VPS35L: variants seen among roughly 807,000 people sequenced by gnomAD.
VPS35L encodes the protein VPS35 endosomal protein-sorting factor-like.
A neutral mutation model predicts 133.0 loss-of-function variants in VPS35L; 83 were observed. The observed-to-expected ratio is 0.62, with a 90% CI of 0.52 to 0.75. The LOEUF is 0.75. VPS35L is among the 30% of genes least tolerant of loss of function. The pLI, the probability that VPS35L is intolerant of heterozygous loss-of-function variation, is 0.00. For missense variants in VPS35L, 1,083 were observed against 1,206.8 expected, an observed-to-expected ratio of 0.90 and a Z score of 1.52; for synonymous variants, 423 against 449.9, an observed-to-expected ratio of 0.94 and a Z score of 0.76.
At chr16:19,613,851 A>G (rs1972803787) in intron 12 of VPS35L, among the ~76,000 whole-genome samples, 1 of 152,120 alleles carries the variant, frequency 6.6e-6, no homozygotes, top group Non-Finnish European at 1.5e-5. Context: ...GACAAATCTA[A>G]TTTGCCGATA....
At position 19,608,249 on chromosome 16, in the gene VPS35L, T is replaced by C; in HGVS notation, c.856T>C (p.Ser286Pro). 6.2e-7 allele frequency: 1 copy of C among 1,606,384 alleles called. No homozygotes were observed. Among genetic ancestry groups the C allele is most frequent in the Non-Finnish European group, 8.5e-7 (1 of 1,174,134 alleles). ...CCTAAATTGGTTTTTCAAGATTGCC[T>C]CCATCAGGGAACTCATTCCAAGATT... ...TCLNWFFKIASIRELIPRFYV... is the reference protein window; with the variant it reads ...TCLNWFFKIAPIRELIPRFYV... Residue 286 changes from serine to proline, a missense_variant, in exon 10 of 31, where the codon TCC (serine) becomes CCC (proline). By Grantham distance (74) the Ser-to-Pro change is moderately conservative. Transcript: ENST00000417362.
intron 26 of VPS35L, among the ~76,000 whole-genome samples, chr16:19,660,083 T>C (rs898032312): frequency 6.6e-6 from 1 of 151,996 alleles, no homozygotes; most frequent in Non-Finnish European, 1.5e-5. Context: ...CCCAGCACTT[T>C]GGGAGGCCGA....
At chr16:19,679,650 G>A (rs542254786) in intron 27 of VPS35L, among the ~76,000 whole-genome samples, 6 of 151,898 alleles carry the variant, frequency 4.0e-5, no homozygotes, top group South Asian at 2.1e-4. Context: ...GATTACAGGC[G>A]CACACCACCA....
intron 14 of VPS35L, among the ~76,000 whole-genome samples, chr16:19,622,652 A>G (rs1203872310): frequency 6.6e-6 from 1 of 152,188 alleles, no homozygotes; most frequent in East Asian, 1.9e-4. Context: ...GTTGCTCGTT[A>G]GGTAGGCGTT....
chr16:19,585,345 A>G (rs535480381), intron 7 of VPS35L, among the ~76,000 whole-genome samples: 9 of 151,966 alleles, frequency 5.9e-5, no homozygotes, highest in African/African-American at 2.2e-4. Context: ...TGAGGGTTCT[A>G]ATTCCTCCAC....
chr16:19,555,787 C>T (rs769105076), intron 1 of VPS35L, 41 bp downstream of exon 1: 7 of 1,539,786 alleles, frequency 4.5e-6, no homozygotes, highest in Non-Finnish European at 6.1e-6. Context: ...GAGGGGCTGT[C>T]CTTACTTGTG....
chr16:19,661,633 A>G (rs1974488490), intron 26 of VPS35L, among the ~76,000 whole-genome samples: 1 of 152,192 alleles, frequency 6.6e-6, no homozygotes, highest in African/African-American at 2.4e-5. Context: ...TTCAAGCCTG[A>G]AGTCTGACTC....
At chr16:19,567,355 C>G (rs1161797678) in intron 2 of VPS35L, among the ~76,000 whole-genome samples, 1 of 152,160 alleles carries the variant, frequency 6.6e-6, no homozygotes, top group Non-Finnish European at 1.5e-5. Flanking sequence ...TACCCTGAAC[C>G]AGCATTGGTG....
chr16:19,608,431 A>G lies in VPS35L; in HGVS notation c.881+157A>G, dbSNP rs1332702919. On this transcript the variant is annotated intron_variant, in intron 10 of 30. Transcript: ENST00000417362. The stretch of plus-strand genomic sequence containing the variant: ...TGAAAACACATACAGGGCAAGCCAC[A>G]TTGTAGAAACCCTTGGACTCTTGCT... 8 of 616,628 alleles carry G rather than the reference A, an allele frequency of 1.3e-5. No homozygotes were observed. In the East Asian group the frequency reaches 1.4e-4, roughly 11 times the overall value. The allele number at this position is 616,628 out of a possible 1,614,324, so 38.2% of individuals were successfully genotyped here. A position where few individuals can be genotyped will look rare whatever the true frequency, so the allele number is the denominator to read the frequency against.
chr16:19,612,649 G>A (rs187352706), intron 12 of VPS35L, among the ~76,000 whole-genome samples: 1 of 152,272 alleles, frequency 6.6e-6, no homozygotes, highest in African/African-American at 2.4e-5. Flanking sequence ...GCCTGATATC[G>A]GAGACCCGGT....
chr16:19,627,711 C>A lies in VPS35L; in HGVS notation c.1289C>A (p.Ser430Tyr). Reference protein sequence around the residue: ...KLGNNALLLNSVMSAFRAEFI... With the variant: ...KLGNNALLLNYVMSAFRAEFI... ...TCTTGCAGTGCCTTGCTGTTGAATT[C>A]TGTGATGTCTGCCTTCCGGGCTGAG... is the stretch of plus-strand genomic sequence containing the variant. Residue 430 changes from serine (S) to tyrosine (Y), a missense_variant, in exon 16 of 31, where the codon TCT becomes TAT. By Grantham distance (144) the Ser-to-Tyr change is moderately radical (BLOSUM62 -2). Transcript: ENST00000417362. The A allele has an allele frequency of 4.3e-6, 7 of 1,613,746 alleles. No individual in the cohort carries two copies. Among genetic ancestry groups the A allele is most frequent in the Non-Finnish European group, 5.9e-6 (7 of 1,179,656 alleles).
chr16:19,613,989 A>T (rs754257911), intron 12 of VPS35L, among the ~76,000 whole-genome samples: 1 of 152,148 alleles, frequency 6.6e-6, no homozygotes, highest in Non-Finnish European at 1.5e-5. Context: ...ATTTGGCCCG[A>T]TGAGAAGAGA....
chr16:19,577,086 A>G (rs191097352), intron 5 of VPS35L, among the ~76,000 whole-genome samples: 1 of 152,368 alleles, frequency 6.6e-6, no homozygotes, highest in African/African-American at 2.4e-5. Flanking sequence ...TAGAGTGATG[A>G]TACCAAGTGT....
At chr16:19,653,347 C>T (rs1245894662) in intron 26 of VPS35L, among the ~76,000 whole-genome samples, 2 of 152,208 alleles carry the variant, frequency 1.3e-5, no homozygotes, top group East Asian at 3.8e-4. Flanking sequence ...GAAATCTTTA[C>T]GCGACATTTA....
intron 14 of VPS35L, chr16:19,617,434 C>A (rs1221364458): frequency 6.4e-6 from 1 of 157,010 alleles, no homozygotes; most frequent in Non-Finnish European, 1.4e-5. Context: ...GGCCAACAAG[C>A]CTTATTGCGT....
intron 27 of VPS35L, among the ~76,000 whole-genome samples, chr16:19,671,636 G>C (rs1437455421): frequency 6.6e-6 from 1 of 151,928 alleles, no homozygotes; most frequent in Non-Finnish European, 1.5e-5. Flanking sequence ...AATTAGCCAG[G>C]AGTGGTGGCA....
chr16:19,580,947 C>T (rs1224294798), intron 6 of VPS35L, among the ~76,000 whole-genome samples: 2 of 152,048 alleles, frequency 1.3e-5, no homozygotes, highest in Non-Finnish European at 2.9e-5. Context: ...GCCCGTGAAA[C>T]AGTTGCGCTT....
At chr16:19,568,661 C>G (rs914757075) in intron 2 of VPS35L, among the ~76,000 whole-genome samples, 6 of 152,022 alleles carry the variant, frequency 3.9e-5, no homozygotes, top group African/African-American at 1.4e-4. Context: ...GTGGGAGGAA[C>G]TGGGGGCAGA....
Position 19,636,435 on chromosome 16 carries a change from T to C in VPS35L, c.1636-1159T>C, listed in dbSNP as rs114182232. 5.4e-3 allele frequency among the ~76,000 whole-genome samples: 820 copies of C among 152,342 alleles called. 6 individuals carry two copies. The highest frequency in any genetic ancestry group is 0.019 in the African/African-American group (775 of 41,574). ...TTTAAAATCACAGTTTATGTGTAGC[T>C]GTGCTTAAGTGTTAACAAAAAATTT... On this transcript the variant is annotated intron_variant, in intron 19 of 30. Coordinates refer to ENST00000417362, the MANE Select transcript of VPS35L (RefSeq NM_020314.7).
Sources: allele counts gnomAD v4.1 joint callset (sites outside exome capture counted in the v4.1 genomes callset), GRCh38; gene constraint gnomAD v4.1.1; transcripts MANE v1.5; gene names NCBI Gene and HGNC (gene_info 2026-07-23, HGNC 2026-07-21).